Variants in SHISA9 observed in about 807,000 individuals in gnomAD.
The protein encoded by SHISA9 is shisa family member 9, also known as protein shisa-9.
SHISA9 carries 13 observed loss-of-function variants against 38.0 expected under a neutral mutation model. The observed-to-expected ratio is 0.34, with a 90% CI of 0.22 to 0.54. SHISA9 has a LOEUF of 0.54. Among genes scored for constraint, SHISA9 ranks in the 20% least tolerant of loss-of-function variants. The probability of loss-of-function intolerance (pLI) is 0.91; values close to 1 mark genes in which losing one functional copy is unlikely to be tolerated. For synonymous variants in SHISA9, 275 were observed against 242.0 expected, an observed-to-expected ratio of 1.14 and a Z score of -1.27; for missense variants, 538 against 575.8, an observed-to-expected ratio of 0.93 and a Z score of 0.67.
chr16:13,393,453 A>G, the SHISA9 span, among the ~76,000 whole-genome samples: 5,921 of 152,134 alleles, frequency 0.039, 214 homozygotes, highest in East Asian at 0.2. Context: ...TGATCCACTG[A>G]TGTCACCCCC....
intron 2 of SHISA9, among the ~76,000 whole-genome samples, chr16:13,152,508 G>C (rs771604717): frequency 2.6e-5 from 4 of 152,196 alleles, no homozygotes; most frequent in Non-Finnish European, 4.4e-5. Context: ...AGGAAGGAGG[G>C]AGATGAGGGA....
At chr16:13,381,495 T>C in the SHISA9 span, among the ~76,000 whole-genome samples, 3 of 152,248 alleles carry the variant, frequency 2.0e-5, no homozygotes, top group Non-Finnish European at 1.5e-5. Flanking sequence ...CTTGACTCAA[T>C]AGTGCACTTA....
At chr16:13,207,519 T>C (rs1279928106) in intron 3 of SHISA9, among the ~76,000 whole-genome samples, 2 of 152,166 alleles carry the variant, frequency 1.3e-5, no homozygotes, top group East Asian at 3.8e-4. Context: ...TAATACCTCC[T>C]AGAAAACTCT....
the SHISA9 span, among the ~76,000 whole-genome samples, chr16:13,255,544 G>A: frequency 1.3e-5 from 2 of 152,302 alleles, no homozygotes; most frequent in East Asian, 3.9e-4. Flanking sequence ...TTCAAGTTCA[G>A]AAGGCAGAAG....
chr16:13,069,143 A>T (rs892677732), intron 2 of SHISA9, among the ~76,000 whole-genome samples: 5 of 151,624 alleles, frequency 3.3e-5, no homozygotes, highest in Admixed American at 3.3e-4. Flanking sequence ...ATATGTGTAC[A>T]TATGCATGTA....
chr16:13,077,107 A>G lies in SHISA9; in HGVS notation c.692-126287A>G, dbSNP rs144822016. ...GGCAAAAGTACAGTCCAGCTAATGCAGCACCAGGACCAGGACTAAGATCAT... is the reference window on the plus strand; with the variant it reads ...GGCAAAAGTACAGTCCAGCTAATGCGGCACCAGGACCAGGACTAAGATCAT... On this transcript the variant is annotated intron_variant, in intron 2 of 4. Coordinates refer to ENST00000558583, the MANE Select transcript of SHISA9 (RefSeq NM_001145204.3). Among the ~76,000 whole-genome samples, 291 of 152,340 alleles carry G rather than the reference A, an allele frequency of 1.9e-3. 1 individual carries two copies. Among genetic ancestry groups the G allele is most frequent in the African/African-American group, 6.7e-3 (280 of 41,578 alleles).
chr16:13,283,825 C>A, the SHISA9 span, among the ~76,000 whole-genome samples: 1 of 152,050 alleles, frequency 6.6e-6, no homozygotes, highest in Non-Finnish European at 1.5e-5. Context: ...ATTCTAGGAC[C>A]AGAACCCCAA....
the SHISA9 span, among the ~76,000 whole-genome samples, chr16:13,412,366 A>G: frequency 1.3e-5 from 2 of 152,120 alleles, no homozygotes; most frequent in Non-Finnish European, 2.9e-5. Flanking sequence ...AAGGAATGCT[A>G]GTGCTTAGTG....
chr16:13,446,748 G>A, the SHISA9 span, among the ~76,000 whole-genome samples: 83 of 152,070 alleles, frequency 5.5e-4, no homozygotes, highest in African/African-American at 1.7e-3. Flanking sequence ...AGGCCGAGGC[G>A]GGTGGATCAC....
At chr16:13,385,510 C>T in the SHISA9 span, among the ~76,000 whole-genome samples, 1 of 136,056 alleles carries the variant, frequency 7.3e-6, no homozygotes, top group Non-Finnish European at 1.6e-5. Context: ...TAGTACTCAG[C>T]AAAGAAAAGG....
At position 13,080,458 on chromosome 16, in the gene SHISA9, T is replaced by A. The variant is rs139613335; in HGVS notation, c.692-122936T>A. Among the ~76,000 whole-genome samples the A allele has an allele frequency of 6.2e-3, 942 of 152,306 alleles. 10 individuals are homozygous for A. Among genetic ancestry groups the A allele is most frequent in the African/African-American group, 0.021 (891 of 41,560 alleles). On this transcript the variant is annotated intron_variant, in intron 2 of 4. Coordinates refer to ENST00000558583, the MANE Select transcript of SHISA9 (RefSeq NM_001145204.3). ...GCCTAGTTTCATTTAAGATGTAAAG[T>A]CCCAAGAAGTGTCCCATTGGTCTAG...
chr16:13,446,004 G>A, the SHISA9 span, among the ~76,000 whole-genome samples: 2 of 151,982 alleles, frequency 1.3e-5, no homozygotes, highest in Non-Finnish European at 2.9e-5. Context: ...GTACAGTGCT[G>A]CGATCTCAGC....
At chr16:13,277,746 G>C in the SHISA9 span, among the ~76,000 whole-genome samples, 1 of 151,896 alleles carries the variant, frequency 6.6e-6, no homozygotes, top group Admixed American at 6.6e-5. Context: ...TTATAGAAGA[G>C]CTACAGATTT....
intron 2 of SHISA9, among the ~76,000 whole-genome samples, chr16:12,983,049 A>G (rs1488342712): frequency 6.6e-6 from 1 of 152,198 alleles, no homozygotes; most frequent in African/African-American, 2.4e-5. Flanking sequence ...GTAACTGTTG[A>G]TAAGGGTAGG....
the SHISA9 span, among the ~76,000 whole-genome samples, chr16:13,321,547 C>T: frequency 2.6e-5 from 4 of 152,310 alleles, no homozygotes; most frequent in African/African-American, 9.6e-5. Flanking sequence ...ATTAATCCAT[C>T]AGATTAGTTG....
chr16:13,233,056 G>A (rs1272186385), intron 4 of SHISA9, among the ~76,000 whole-genome samples: 1 of 152,084 alleles, frequency 6.6e-6, no homozygotes, highest in Admixed American at 6.6e-5. Context: ...AACATGTTTT[G>A]GGGTAAAATA....
intron 2 of SHISA9, among the ~76,000 whole-genome samples, chr16:13,126,060 C>T (rs991138677): frequency 6.6e-6 from 1 of 152,206 alleles, no homozygotes; most frequent in African/African-American, 2.4e-5. Context: ...TGAAATCCAA[C>T]TCATTGACAT....
At chr16:13,514,086 C>T in the SHISA9 span, among the ~76,000 whole-genome samples, 1,433 of 152,242 alleles carry the variant, frequency 9.4e-3, 22 homozygotes, top group African/African-American at 0.033. Context: ...CCTCTGTCTC[C>T]TGGGTTCAAG....
At chr16:13,143,910 A>C (rs1182147084) in intron 2 of SHISA9, among the ~76,000 whole-genome samples, 1 of 152,180 alleles carries the variant, frequency 6.6e-6, no homozygotes, top group Non-Finnish European at 1.5e-5. Context: ...AAAATCTTAT[A>C]AATTAGGACT....
Sources: allele counts gnomAD v4.1 joint callset (sites outside exome capture counted in the v4.1 genomes callset), GRCh38; gene constraint gnomAD v4.1.1; transcripts MANE v1.5; gene names NCBI Gene and HGNC (gene_info 2026-07-23, HGNC 2026-07-21).